The following SND1 variants were observed in gnomAD, a reference collection of about 807,000 sequenced individuals.
The protein encoded by SND1 is staphylococcal nuclease and tudor domain containing 1.
A neutral mutation model predicts 121.7 loss-of-function variants in SND1; 38 were observed. That is an observed-to-expected ratio of 0.31 (90% CI 0.24 to 0.41). The LOEUF is 0.41. Ranked by LOEUF, SND1 falls within the 10% of genes least tolerant of loss-of-function variation. The probability of loss-of-function intolerance (pLI) is 1.00; values close to 1 mark genes in which losing one functional copy is unlikely to be tolerated. For missense variants in SND1, 868 were observed against 1,184.6 expected, an observed-to-expected ratio of 0.73 and a Z score of 3.92; for synonymous variants, 401 against 447.4, an observed-to-expected ratio of 0.90 and a Z score of 1.31.
chr7:127,707,486 T>G (rs1796221231), intron 8 of SND1, 71 bp from the exon 9 acceptor site: 3 of 1,216,352 alleles, frequency 2.5e-6, no homozygotes, highest in Middle Eastern at 1.9e-4. Flanking sequence ...CTGCACCAAC[T>G]GTGCTCCCAT....
chr7:128,091,990 C>A lies in SND1; in HGVS notation c.2668-3C>A. 6.2e-7 allele frequency: 1 copy of A among 1,614,180 alleles called. No individual in the cohort carries two copies. The highest frequency in any genetic ancestry group is 8.5e-7 in the Non-Finnish European group (1 of 1,180,012). On this transcript the variant is annotated splice_region_variant and splice_polypyrimidine_tract_variant and intron_variant, in intron 23 of 23. Coordinates refer to ENST00000354725, the MANE Select transcript of SND1 (RefSeq NM_014390.4). ...AAGAGCTATTGTCTGTTTTTTCTTA[C>A]AGCTGAACCTGTGGCGCTATGGAGA...
At chr7:127,679,682 A>C (rs1192524887) in intron 1 of SND1, among the ~76,000 whole-genome samples, 2 of 152,332 alleles carry the variant, frequency 1.3e-5, no homozygotes, top group East Asian at 3.9e-4. Flanking sequence ...GGAACAGTTC[A>C]GTATGTGGCC....
intron 15 of SND1, among the ~76,000 whole-genome samples, chr7:127,976,751 T>G (rs1193335): frequency 0.7 from 107,141 of 152,154 alleles, 39,366 homozygotes; most frequent in African/African-American, 0.91. Context: ...TGTTCCTTTT[T>G]ATCCCTTAAA....
chr7:128,004,367 G>A (rs1219272838), intron 16 of SND1, among the ~76,000 whole-genome samples: 8 of 152,160 alleles, frequency 5.3e-5, no homozygotes, highest in Non-Finnish European at 1.2e-4. Context: ...TAAGAGTGCT[G>A]TGTGACCTGA....
At chr7:127,909,988 G>A (rs1800420517) in intron 14 of SND1, among the ~76,000 whole-genome samples, 1 of 152,204 alleles carries the variant, frequency 6.6e-6, no homozygotes, top group Non-Finnish European at 1.5e-5. Flanking sequence ...CCTGACCTCT[G>A]CCTTCAGTTT....
At chr7:127,758,214 T>G (rs1042512495) in intron 10 of SND1, among the ~76,000 whole-genome samples, 9 of 152,242 alleles carry the variant, frequency 5.9e-5, no homozygotes, top group African/African-American at 2.2e-4. Flanking sequence ...GTATTGTTGA[T>G]TATGTACTGC....
intron 10 of SND1, among the ~76,000 whole-genome samples, chr7:127,735,250 A>ATTGAGTGGACTT (rs3837142): frequency 0.33 from 49,899 of 151,884 alleles, 9,064 homozygotes; most frequent in Admixed American, 0.42. Context: ...TCTCCTTAGT[A>ATTGAGTGGACTT]TTGAGTGGAC....
At chr7:127,679,706 T>C (rs1795679347) in intron 1 of SND1, among the ~76,000 whole-genome samples, 1 of 152,230 alleles carries the variant, frequency 6.6e-6, no homozygotes, top group Non-Finnish European at 1.5e-5. Flanking sequence ...TGTGTCTGGC[T>C]TCTTTTACTT....
At chr7:127,967,576 A>G (rs2116880260) in intron 15 of SND1, among the ~76,000 whole-genome samples, 1 of 152,268 alleles carries the variant, frequency 6.6e-6, no homozygotes, top group African/African-American at 2.4e-5. Context: ...AGGAGATGCA[A>G]GCCTTTTCTT....
intron 2 of SND1, among the ~76,000 whole-genome samples, chr7:127,688,154 T>G (rs1022182871): frequency 5.3e-5 from 8 of 152,144 alleles, no homozygotes; most frequent in African/African-American, 1.9e-4. Context: ...GTTTTATGGT[T>G]ATTTGAGAAC....
intron 16 of SND1, among the ~76,000 whole-genome samples, chr7:128,054,402 C>A (rs760162263): frequency 3.3e-5 from 5 of 152,202 alleles, no homozygotes; most frequent in Non-Finnish European, 7.3e-5. Context: ...ACAGAACTAT[C>A]TGGCAGAAGG....
At chr7:127,702,577 AG>A (rs1796122945) in intron 6 of SND1, 51 bp downstream of exon 6, 1 of 1,423,538 alleles carries the variant, frequency 7.0e-7, no homozygotes, top group Admixed American at 1.7e-5. Flanking sequence ...GTGGATGTTC[AG>A]TGATGGATTC....
intron 16 of SND1, among the ~76,000 whole-genome samples, chr7:128,068,706 T>C (rs1317530025): frequency 2.6e-5 from 4 of 152,150 alleles, no homozygotes; most frequent in African/African-American, 9.7e-5. Context: ...GCTCTTCTTT[T>C]CTCCTCCCCC....
chr7:128,022,652 C>A (rs1040860306), intron 16 of SND1, among the ~76,000 whole-genome samples: 1 of 152,168 alleles, frequency 6.6e-6, no homozygotes, highest in African/African-American at 2.4e-5. Context: ...GAATAATACT[C>A]TTTTTGTGGA....
intron 12 of SND1, among the ~76,000 whole-genome samples, chr7:127,886,172 T>C (rs149578671): frequency 1.3e-5 from 2 of 152,198 alleles, no homozygotes; most frequent in African/African-American, 2.4e-5. Context: ...GAAGTGCTAA[T>C]TCCGTGGCAG....
At chr7:127,866,437 A>G (rs1373044560) in intron 12 of SND1, among the ~76,000 whole-genome samples, 2 of 148,666 alleles carry the variant, frequency 1.3e-5, no homozygotes, top group Non-Finnish European at 1.5e-5. Context: ...TGAAATAATT[A>G]AAGGTGTTTG....
chr7:127,698,845 T>C (rs781001343), intron 3 of SND1, 30 bp from the exon 4 acceptor site: 8 of 1,601,986 alleles, frequency 5.0e-6, no homozygotes, highest in Non-Finnish European at 6.8e-6. Context: ...GTTTGAATCT[T>C]GTTTTTAAAT....
chr7:127,826,999 G>T (rs1423662609), intron 11 of SND1, among the ~76,000 whole-genome samples: 1 of 152,138 alleles, frequency 6.6e-6, no homozygotes. Flanking sequence ...GTTCAATCCA[G>T]GCATAAAATA....
At chr7:127,956,946 A>G (rs888015337) in intron 15 of SND1, among the ~76,000 whole-genome samples, 1 of 152,146 alleles carries the variant, frequency 6.6e-6, no homozygotes, top group African/African-American at 2.4e-5. Context: ...AGTCCCTGTC[A>G]TATCCTCAGC....
Sources: gnomAD v4.1 joint callset for allele counts (sites outside exome capture counted in the v4.1 genomes callset) on GRCh38, gnomAD v4.1.1 for gene constraint, MANE v1.5 for transcripts, NCBI Gene and HGNC (gene_info 2026-07-23, HGNC 2026-07-21) for gene names.